The following CACNA1I variants were observed in gnomAD, a reference collection of about 807,000 sequenced individuals.
CACNA1I encodes the protein voltage-dependent T-type calcium channel subunit alpha-1I.
In CACNA1I, 74 loss-of-function variants were observed where a neutral mutation model predicts 201.6. The observed-to-expected ratio is 0.37, with a 90% confidence interval of 0.30 to 0.45. CACNA1I has a LOEUF of 0.45. Ranked by LOEUF, CACNA1I falls within the 20% of genes least tolerant of loss-of-function variation. CACNA1I has a pLI of 1.00. For synonymous variants in CACNA1I, 1,431 were observed against 1,345.2 expected, an observed-to-expected ratio of 1.06 and a Z score of -1.40; for missense variants, 2,346 against 3,138.1, an observed-to-expected ratio of 0.75 and a Z score of 6.03.
At chr22:39,628,563 G>A (rs1274738697) in intron 4 of CACNA1I, among the ~76,000 whole-genome samples, 1 of 152,078 alleles carries the variant, frequency 6.6e-6, no homozygotes, top group African/African-American at 2.4e-5. Context: ...GGCTGAGGTT[G>A]GCTTCCTTTC....
chr22:39,600,667 G>T lies in CACNA1I; in HGVS notation c.482+14G>T, dbSNP rs58365162. ...CGTCATGGCAGGGTAGGTAGCGCCC[G>T]CCAGGCAGGTCCTAGCCTCTGGTGC... On this transcript the variant is annotated intron_variant, in intron 3 of 36. Coordinates refer to ENST00000402142, the MANE Select transcript of CACNA1I (RefSeq NM_021096.4). 27 of 1,591,130 alleles carry T rather than the reference G, an allele frequency of 1.7e-5. No individual in the cohort carries two copies. In the African/African-American group the frequency reaches 2.7e-4, roughly 16 times the overall value.
intron 3 of CACNA1I, among the ~76,000 whole-genome samples, chr22:39,605,114 C>A (rs1933180440): frequency 6.6e-6 from 1 of 150,572 alleles, no homozygotes. Context: ...CAAATCCCAC[C>A]CAGGCCTGGT....
chr22:39,578,585 T>A (rs73422193), intron 1 of CACNA1I, among the ~76,000 whole-genome samples: 168 of 151,774 alleles, frequency 1.1e-3, no homozygotes, highest in African/African-American at 3.9e-3. Flanking sequence ...TCCCCTGGGC[T>A]CCCCCTCTCC....
At chr22:39,657,494 T>A (rs2146442621) in intron 10 of CACNA1I, among the ~76,000 whole-genome samples, 1 of 152,326 alleles carries the variant, frequency 6.6e-6, no homozygotes, top group African/African-American at 2.4e-5. Context: ...CCCTTGGTCC[T>A]GAGACGGCCA....
chr22:39,679,604 G>A (rs933697172), intron 32 of CACNA1I, 118 bp from the exon 33 acceptor site: 40 of 1,109,100 alleles, frequency 3.6e-5, no homozygotes, highest in Non-Finnish European at 4.3e-5. Context: ...TGAGGGGGTC[G>A]GTCCCAGGCC....
intron 6 of CACNA1I, 120 bp downstream of exon 6, chr22:39,641,302 G>T: frequency 1.3e-6 from 1 of 765,220 alleles, no homozygotes; most frequent in Admixed American, 2.7e-5. Flanking sequence ...CCAGCTTGCT[G>T]GCAGAATAGG....
rs1932174265 is a variant in CACNA1I at position 39,571,271 on chromosome 22, C to T, written c.236+283C>T. The T allele has an allele frequency of 7.8e-6, 4 of 512,540 alleles. No homozygotes were observed. The East Asian group carries it at 1.4e-4, about 18-fold the overall frequency. The allele number at this position is 512,540 out of a possible 1,614,324, so 31.7% of individuals were successfully genotyped here. ...TCAGAAAGTCCTTGAGTGTGGGCCCCAGACCTGTGCTGGGCTGGGAATGCA... is the reference window on the plus strand; with the variant it reads ...TCAGAAAGTCCTTGAGTGTGGGCCCTAGACCTGTGCTGGGCTGGGAATGCA... On this transcript the variant is annotated intron_variant, in intron 1 of 36. Transcript: ENST00000402142.
At position 39,662,094 on chromosome 22, in the gene CACNA1I, CGCG is replaced by C. The variant is rs745984160; in HGVS notation, c.3041_3043del (p.Gly1014del). 2.6e-6 allele frequency: 4 copies of C among 1,528,848 alleles called. No homozygotes were observed. The highest frequency in any genetic ancestry group is 1.2e-5 in the South Asian group (1 of 82,524). The allele number at this position is 1,528,848 out of a possible 1,614,324, so 94.7% of individuals were successfully genotyped here. ...GCATGAGTCCCTGCTCTCTGCGGAG[CGCG>C]GCGGCGGCGCCCGGGTCTGCGAGGT... is the stretch of plus-strand genomic sequence containing the variant. On this transcript the variant is annotated inframe_deletion, in exon 17 of 37. Coordinates refer to ENST00000402142, the MANE Select transcript of CACNA1I (RefSeq NM_021096.4).
At chr22:39,634,436 G>T in intron 4 of CACNA1I, 129 bp from the exon 5 acceptor site, 1 of 865,132 alleles carries the variant, frequency 1.2e-6, no homozygotes. Flanking sequence ...TGAACAGGAT[G>T]GGAACAGCAA....
At position 39,663,710 on chromosome 22, in the gene CACNA1I, C is replaced by CT; in HGVS notation, c.3474-7dup. 1 of 1,579,526 alleles carries CT rather than the reference C, an allele frequency of 6.3e-7. No individual in the cohort carries two copies. Among genetic ancestry groups the CT allele is most frequent in the Admixed American group, 1.7e-5 (1 of 59,858 alleles). Reference sequence around the variant, plus strand: ...GACGCTCAGGCAGCCCCCGCCCACCCTGCCCAGGTTCCGGGTCCTGTGTCA... The same window carrying CT: ...GACGCTCAGGCAGCCCCCGCCCACCCTTGCCCAGGTTCCGGGTCCTGTGTCA... On this transcript the variant is annotated splice_region_variant and splice_polypyrimidine_tract_variant and intron_variant, in intron 18 of 36. Coordinates refer to ENST00000402142, the MANE Select transcript of CACNA1I (RefSeq NM_021096.4).
chr22:39,615,265 G>A (rs1933499082), intron 3 of CACNA1I, among the ~76,000 whole-genome samples: 1 of 152,194 alleles, frequency 6.6e-6, no homozygotes, highest in Non-Finnish European at 1.5e-5. Context: ...GGGGGAGATG[G>A]ACGGAGGCCA....
intron 5 of CACNA1I, among the ~76,000 whole-genome samples, chr22:39,640,382 C>T (rs539241708): frequency 1.4e-3 from 217 of 151,948 alleles, no homozygotes; most frequent in Non-Finnish European, 2.4e-3. Context: ...GAGTGAGACT[C>T]GGTCTAAAAA....
intron 11 of CACNA1I, 112 bp from the exon 12 acceptor site, chr22:39,658,819 A>T (rs1224443947): frequency 1.5e-5 from 14 of 913,422 alleles, no homozygotes; most frequent in Non-Finnish European, 2.2e-5. Context: ...AGATGGATGG[A>T]TGAATGGAAG....
intron 10 of CACNA1I, among the ~76,000 whole-genome samples, chr22:39,657,935 C>G (rs1422317695): frequency 3.3e-5 from 5 of 152,202 alleles, no homozygotes; most frequent in Non-Finnish European, 1.5e-5. Flanking sequence ...GCTGTGGGGT[C>G]CCCCAACCCT....
chr22:39,651,701 C>T (rs1009564422), intron 10 of CACNA1I, among the ~76,000 whole-genome samples: 5 of 152,204 alleles, frequency 3.3e-5, no homozygotes, highest in African/African-American at 4.8e-5. Flanking sequence ...TTGCCAGGGG[C>T]TTGCTGGAGC....
At chr22:39,604,041 A>C (rs548108427) in intron 3 of CACNA1I, among the ~76,000 whole-genome samples, 8 of 152,196 alleles carry the variant, frequency 5.3e-5, no homozygotes, top group Non-Finnish European at 8.8e-5. Context: ...GGCCTGTTAA[A>C]TTATGCTTCA....
intron 1 of CACNA1I, among the ~76,000 whole-genome samples, chr22:39,595,411 G>T (rs1490775758): frequency 6.6e-6 from 1 of 151,932 alleles, no homozygotes; most frequent in African/African-American, 2.4e-5. Flanking sequence ...ATCACCTGAG[G>T]TCAGGAGTTC....
intron 27 of CACNA1I, 96 bp downstream of exon 27, chr22:39,672,404 G>T: frequency 1.2e-6 from 1 of 824,092 alleles, no homozygotes; most frequent in South Asian, 1.4e-5. Context: ...GCCTGAAGAG[G>T]GGAACCAGTA....
At chr22:39,624,057 G>A (rs1429222792) in intron 4 of CACNA1I, among the ~76,000 whole-genome samples, 1 of 151,574 alleles carries the variant, frequency 6.6e-6, no homozygotes, top group Non-Finnish European at 1.5e-5. Flanking sequence ...GTGCATGTGT[G>A]TGCCTGTGAG....
Sources: gnomAD v4.1 joint callset for allele counts (sites outside exome capture counted in the v4.1 genomes callset) on GRCh38, gnomAD v4.1.1 for gene constraint, MANE v1.5 for transcripts, NCBI Gene and HGNC (gene_info 2026-07-23, HGNC 2026-07-21) for gene names.